Variants in TDO2 observed in about 807,000 individuals in gnomAD.
TDO2 encodes the protein tryptamin 2,3-dioxygenase.
Under a neutral mutation model 61.2 loss-of-function variants are expected in TDO2, and 63 were observed. The observed-to-expected ratio is 1.03, with a 90% confidence interval of 0.84 to 1.27. The LOEUF is 1.27. Ranked by LOEUF, TDO2 falls within the 50% of genes most tolerant of loss-of-function variation. The pLI is 0.00. For missense variants in TDO2, 494 were observed against 469.5 expected, an observed-to-expected ratio of 1.05 and a Z score of -0.48; for synonymous variants, 183 against 164.0, an observed-to-expected ratio of 1.12 and a Z score of -0.89.
chr4:155,918,923 C>T (rs968010006), intron 11 of TDO2: 1 of 152,216 alleles, frequency 6.6e-6, no homozygotes, highest in Non-Finnish European at 1.5e-5. Context: ...ATCTTTACAG[C>T]ACATTGCTTT....
rs562760829 is a variant in TDO2 at position 155,904,138 on chromosome 4, C to T, written c.141+15C>T. 4 of 1,583,492 alleles carry T rather than the reference C, an allele frequency of 2.5e-6. No individual in the cohort carries two copies. The South Asian group carries it at 3.3e-5, about 13-fold the overall frequency. On this transcript the variant is annotated intron_variant, in intron 2 of 11. Transcript: ENST00000536354. ...ACTACCTGCATGTAAGTGGCAGGGT[C>T]CTTACAGGGTTTGGTGTCCATTGTT...
At position 155,915,925 on chromosome 4, in the gene TDO2, C is replaced by T. The variant is rs781214443; in HGVS notation, c.896+13C>T. 4 of 1,599,822 alleles carry T rather than the reference C, an allele frequency of 2.5e-6. No individual in the cohort carries two copies. The highest frequency in any genetic ancestry group is 2.7e-5 in the African/African-American group (2 of 74,048). ...TATATTTTTACAGGTAAAGCAAATC[C>T]GAAGAGAGACTGAAGTTAAAATTGA... On this transcript the variant is annotated intron_variant, in intron 9 of 11. Transcript: ENST00000536354.
At chr4:155,916,328 A>C (rs3965794) in intron 9 of TDO2, among the ~76,000 whole-genome samples, 121,484 of 138,034 alleles carry the variant, frequency 0.88, 54,314 homozygotes, top group East Asian at 1. Context: ...CCACCACGCC[A>C]GGCTAATTTT....
intron 5 of TDO2, 76 bp from the exon 6 acceptor site, chr4:155,909,949 C>G (rs182363177): frequency 5.2e-5 from 7 of 135,612 alleles, no homozygotes; most frequent in Non-Finnish European, 8.6e-5. Context: ...CCCCTCCCCC[C>G]CCTTTCTCTT....
At chr4:155,913,168 T>A (rs895322185) in intron 7 of TDO2, among the ~76,000 whole-genome samples, 2 of 152,170 alleles carry the variant, frequency 1.3e-5, no homozygotes, top group Non-Finnish European at 2.9e-5. Flanking sequence ...AGTCTCCACA[T>A]TGCAGTCTGA....
At position 155,903,798 on chromosome 4, in the gene TDO2, G is replaced by A; in HGVS notation, c.35+5G>A. The A allele has an allele frequency of 1.2e-6, 2 of 1,614,118 alleles. No homozygotes were observed. Among genetic ancestry groups the A allele is most frequent in the East Asian group, 2.2e-5 (1 of 44,872 alleles). ...ATTTTTAGGAAACAACTTTGGGTGA[G>A]TATTTACCTTTATTCTAAGTGGGTT... On this transcript the variant is annotated splice_donor_5th_base_variant and intron_variant, in intron 1 of 11. Transcript: ENST00000536354.
At chr4:155,906,659 A>C (rs1472276534) in intron 3 of TDO2, 1 of 152,200 alleles carries the variant, frequency 6.6e-6, no homozygotes, top group Admixed American at 6.5e-5. Context: ...GTAAGTCCTT[A>C]GTTTCTAGTG....
chr4:155,913,811 G>A (rs1472904442), intron 7 of TDO2, among the ~76,000 whole-genome samples: 1 of 151,976 alleles, frequency 6.6e-6, no homozygotes, highest in Non-Finnish European at 1.5e-5. Flanking sequence ...AGAAAAATAA[G>A]AATTTTCTTA....
chr4:155,919,892 C>T lies in TDO2; in HGVS notation c.1123C>T (p.Arg375Ter), dbSNP rs539780101. The change falls in exon 12 of 12, where the codon CGA becomes TGA. Residue 375 changes from arginine to a stop codon, truncating the protein, a stop_gained. Transcript: ENST00000536354. LOFTEE classifies it high-confidence loss of function. ...LFNLSTYLIPRHWIPKMNPTI... is the reference protein window; with the variant it reads ...LFNLSTYLIP ...TAATCTTTCAACATACCTGATTCCC[C>T]GACACTGGATACCGAAGATGAACCC... is the stretch of plus-strand genomic sequence containing the variant. The T allele has an allele frequency of 2.9e-5, 46 of 1,613,534 alleles. No individual in the cohort carries two copies. The highest frequency in any genetic ancestry group is 5.0e-5 in the Admixed American group (3 of 60,002).
intron 8 of TDO2, among the ~76,000 whole-genome samples, chr4:155,915,569 A>G (rs950223654): frequency 6.6e-6 from 1 of 152,198 alleles, no homozygotes; most frequent in African/African-American, 2.4e-5. Flanking sequence ...TTATTATGAA[A>G]GTCAAGTGTT....
At chr4:155,904,231 G>T (rs980938719) in intron 2 of TDO2, 108 bp downstream of exon 2, 4 of 760,424 alleles carry the variant, frequency 5.3e-6, no homozygotes, top group Middle Eastern at 4.7e-4. Context: ...GTCACCAATC[G>T]TTTTCTGGAC....
chr4:155,903,997 C>T, intron 1 of TDO2, 21 bp from the exon 2 acceptor site: 1 of 1,603,504 alleles, frequency 6.2e-7, no homozygotes, highest in Non-Finnish European at 8.5e-7. Flanking sequence ...ATTTTTCCCT[C>T]TTGATTTATT....
Position 155,920,161 on chromosome 4 carries a change from G to C in TDO2, c.*171G>C. 1 of 613,270 alleles carries C rather than the reference G, an allele frequency of 1.6e-6. No homozygotes were observed. The highest frequency in any genetic ancestry group is 2.8e-6 in the Non-Finnish European group (1 of 359,918). 38.0% of individuals were successfully genotyped at this position (613,270 alleles called of 1,614,324 possible). On this transcript the variant is annotated 3_prime_UTR_variant, in exon 12 of 12. Coordinates refer to ENST00000536354, the MANE Select transcript of TDO2 (RefSeq NM_005651.4). Reference sequence around the variant, plus strand: ...TACCTCTTGTTTGTGACAAGACTAAGCATTAAGATGAGAAAGAATACATTT... The same window carrying C: ...TACCTCTTGTTTGTGACAAGACTAACCATTAAGATGAGAAAGAATACATTT...
At chr4:155,916,977 A>G (rs1742951161) in intron 9 of TDO2, among the ~76,000 whole-genome samples, 1 of 149,546 alleles carries the variant, frequency 6.7e-6, no homozygotes, top group African/African-American at 2.4e-5. Flanking sequence ...AAACAAAACA[A>G]CAACAAAAAA....
At chr4:155,917,787 T>C (rs535284076) in intron 10 of TDO2, among the ~76,000 whole-genome samples, 1 of 152,344 alleles carries the variant, frequency 6.6e-6, no homozygotes, top group Non-Finnish European at 1.5e-5. Context: ...TTATTTGCCA[T>C]TATGCCAATG....
intron 9 of TDO2, 39 bp from the exon 10 acceptor site, chr4:155,917,356 C>A (rs1047091842): frequency 1.9e-6 from 3 of 1,542,416 alleles, no homozygotes; most frequent in Non-Finnish European, 2.7e-6. Flanking sequence ...ACTCGATTTA[C>A]TTGAATATAT....
At chr4:155,912,352 G>A (rs1195572750) in intron 7 of TDO2, among the ~76,000 whole-genome samples, 1 of 152,144 alleles carries the variant, frequency 6.6e-6, no homozygotes, top group Admixed American at 6.5e-5. Flanking sequence ...AGTCAGAATA[G>A]TTATCTCTCA....
chr4:155,906,404 C>T (rs1027481739), intron 3 of TDO2: 55 of 152,204 alleles, frequency 3.6e-4, no homozygotes, highest in African/African-American at 1.1e-3. Context: ...TTAGGTCCCC[C>T]AAAGTCTTTT....
chr4:155,910,359 T>C lies in TDO2; in HGVS notation c.618+148T>C, dbSNP rs1286605183. ...AAGAATTCATAAAAATACATGAATTTGTAAATTCATGTTACTAAAATATTG... is the reference window on the plus strand; with the variant it reads ...AAGAATTCATAAAAATACATGAATTCGTAAATTCATGTTACTAAAATATTG... On this transcript the variant is annotated intron_variant, in intron 6 of 11. Transcript: ENST00000536354. The C allele has an allele frequency of 2.2e-5, 13 of 591,754 alleles. No homozygotes were observed. In the East Asian group the frequency reaches 3.8e-4, roughly 17 times the overall value. The allele number at this position is 591,754 out of a possible 1,614,324, so 36.7% of individuals were successfully genotyped here. A position where few individuals can be genotyped will look rare whatever the true frequency, so the allele number is the denominator to read the frequency against.
Sources: allele counts gnomAD v4.1 joint callset (sites outside exome capture counted in the v4.1 genomes callset), GRCh38; gene constraint gnomAD v4.1.1; transcripts MANE v1.5; gene names NCBI Gene and HGNC (gene_info 2026-07-23, HGNC 2026-07-21).